The following ITPR1 variants were observed in gnomAD, a reference collection of about 807,000 sequenced individuals.
ITPR1 encodes inositol 1,4,5-trisphosphate receptor type 1.
Under a neutral mutation model 318.4 loss-of-function variants are expected in ITPR1, and 96 were observed. The observed-to-expected ratio is 0.30, with a 90% CI of 0.26 to 0.36. ITPR1 has a LOEUF of 0.36. Among genes scored for constraint, ITPR1 ranks in the 10% least tolerant of loss-of-function variants. The probability of loss-of-function intolerance (pLI) is 1.00; values close to 1 mark genes in which losing one functional copy is unlikely to be tolerated. For synonymous variants in ITPR1, 1,312 were observed against 1,289.9 expected (o/e 1.02, Z -0.37); for missense variants, 2,440 against 3,460.2 (o/e 0.71, Z 7.40).
intron 16 of ITPR1, among the ~76,000 whole-genome samples, chr3:4,664,135 G>A (rs996728587): frequency 3.9e-5 from 6 of 152,094 alleles, no homozygotes; most frequent in Admixed American, 6.6e-5. Flanking sequence ...CATACATTTG[G>A]GAGATTTGGC....
chr3:4,508,022 A>G (rs1401255895), intron 2 of ITPR1, among the ~76,000 whole-genome samples: 1 of 152,190 alleles, frequency 6.6e-6, no homozygotes, highest in Non-Finnish European at 1.5e-5. Context: ...GTGGTAAAAT[A>G]CAGAGGAGCT....
chr3:4,652,310 T>C (rs1166694504), intron 11 of ITPR1, 92 bp downstream of exon 11: 1 of 869,086 alleles, frequency 1.2e-6, no homozygotes, highest in African/African-American at 1.7e-5. Flanking sequence ...TGTAAAAGGC[T>C]TAGGGAAATA....
intron 4 of ITPR1, among the ~76,000 whole-genome samples, chr3:4,527,142 G>C (rs1334078109): frequency 6.6e-6 from 1 of 152,138 alleles, no homozygotes; most frequent in East Asian, 1.9e-4. Context: ...GTCGTAGCCA[G>C]AGCCCTCTTC....
intron 54 of ITPR1, among the ~76,000 whole-genome samples, chr3:4,803,479 A>G (rs1448834175): frequency 2.6e-5 from 4 of 152,244 alleles, no homozygotes; most frequent in African/African-American, 7.2e-5. Flanking sequence ...ATGCATTTAC[A>G]TCGTTGACCT....
At chr3:4,578,432 T>C (rs2088923129) in intron 4 of ITPR1, among the ~76,000 whole-genome samples, 1 of 152,166 alleles carries the variant, frequency 6.6e-6, no homozygotes, top group African/African-American at 2.4e-5. Context: ...GTTGTGTGTC[T>C]GACAACAAAG....
chr3:4,692,380 G>C (rs751225092), intron 32 of ITPR1, among the ~76,000 whole-genome samples: 19 of 152,322 alleles, frequency 1.2e-4, no homozygotes, highest in Non-Finnish European at 2.1e-4. Context: ...TCTAGGCACA[G>C]TCCTAAGCAG....
At chr3:4,803,602 G>C (rs2048376530) in intron 54 of ITPR1, among the ~76,000 whole-genome samples, 1 of 152,182 alleles carries the variant, frequency 6.6e-6, no homozygotes, top group African/African-American at 2.4e-5. Context: ...GGGATTGCCT[G>C]CAGTGAGAGG....
intron 4 of ITPR1, among the ~76,000 whole-genome samples, chr3:4,534,127 A>C (rs1575441485): frequency 6.6e-6 from 1 of 152,124 alleles, no homozygotes; most frequent in Non-Finnish European, 1.5e-5. Flanking sequence ...TTTCTCTTTT[A>C]ATAGATTTAG....
intron 4 of ITPR1, among the ~76,000 whole-genome samples, chr3:4,578,093 G>A (rs1276126965): frequency 6.6e-6 from 1 of 152,108 alleles, no homozygotes. Flanking sequence ...TTTATAGCAA[G>A]CAAAAAGAGA....
chr3:4,748,233 C>A (rs1213545168), intron 44 of ITPR1, among the ~76,000 whole-genome samples: 1 of 152,164 alleles, frequency 6.6e-6, no homozygotes, highest in African/African-American at 2.4e-5. Flanking sequence ...TGCTAGCCAG[C>A]CTTTAAGTTA....
At chr3:4,711,495 T>C in intron 38 of ITPR1, 1 of 372,816 alleles carries the variant, frequency 2.7e-6, no homozygotes, top group Non-Finnish European at 4.9e-6. Flanking sequence ...TCGGTTCTCC[T>C]CTCCATATAA....
chr3:4,782,696 G>T lies in ITPR1; in HGVS notation c.6465G>T (p.Ala2155=). Residue 2155 remains alanine (A), a synonymous_variant, in exon 50 of 62, where the codon GCG becomes GCT. Coordinates refer to ENST00000649015, the MANE Select transcript of ITPR1 (RefSeq NM_001378452.1). ...GAGAAAACGGTGAGGATGGGGCGGC[G>T]TCCCCCAGGAACGTGGGGCACAACA... ...EDGENGEDGA[A]SPRNVGHNIY... 3 of 1,596,776 alleles carry T rather than the reference G, an allele frequency of 1.9e-6. No homozygotes were observed. The South Asian group carries it at 3.4e-5, about 18-fold the overall frequency.
At chr3:4,819,939 G>T (rs537721187) in intron 60 of ITPR1, among the ~76,000 whole-genome samples, 1 of 152,228 alleles carries the variant, frequency 6.6e-6, no homozygotes, top group East Asian at 1.9e-4. Flanking sequence ...TTCAGAAGGA[G>T]CTGAGCCAGA....
chr3:4,784,459 G>T (rs2047034699), intron 51 of ITPR1, among the ~76,000 whole-genome samples: 1 of 152,032 alleles, frequency 6.6e-6, no homozygotes, highest in African/African-American at 2.4e-5. Context: ...ATCTCACAGG[G>T]TCCTATCAAC....
chr3:4,649,380 T>C (rs1323420289), intron 10 of ITPR1, among the ~76,000 whole-genome samples: 1 of 152,144 alleles, frequency 6.6e-6, no homozygotes, highest in Non-Finnish European at 1.5e-5. Context: ...CCCCTCAAAA[T>C]AAAAGAGGGA....
In ITPR1 at chr3:4,663,151, C is replaced by G; in HGVS notation, c.1499C>G (p.Ser500Cys). ...CAAGATGTTCTCGAAGTTGTCTTCT[C>G]CAAGCCCAACAGAGAACGGCAGAAA... Reference protein sequence around the residue: ...SGQDVLEVVFSKPNRERQKLM... With the variant: ...SGQDVLEVVFCKPNRERQKLM... The change falls in exon 16 of 62, where the codon TCC (serine) becomes TGC (cysteine). Residue 500 changes from serine (S) to cysteine (C), a missense_variant. Transcript: ENST00000649015. 1.9e-6 allele frequency: 3 copies of G among 1,613,760 alleles called. No individual in the cohort carries two copies. The highest frequency in any genetic ancestry group is 2.5e-6 in the Non-Finnish European group (3 of 1,179,792).
In ITPR1 at chr3:4,627,651, A is replaced by G. The variant is rs567321039; in HGVS notation, c.164-112A>G. On this transcript the variant is annotated intron_variant, in intron 4 of 61. Transcript: ENST00000649015. Reference sequence around the variant, plus strand: ...AGCTTTGTACTCTCATTTTATATCTATGTATGATGTAATTTTATGTAATTT... The same window carrying G: ...AGCTTTGTACTCTCATTTTATATCTGTGTATGATGTAATTTTATGTAATTT... 69 of 679,716 alleles carry G rather than the reference A, an allele frequency of 1.0e-4. No homozygotes were observed. In the South Asian group the frequency reaches 1.0e-3, roughly 10 times the overall value. The allele number at this position is 679,716 out of a possible 1,614,324, so 42.1% of individuals were successfully genotyped here.
At chr3:4,797,749 C>CT (rs1282705471) in intron 53 of ITPR1, among the ~76,000 whole-genome samples, 1 of 152,194 alleles carries the variant, frequency 6.6e-6, no homozygotes, top group Non-Finnish European at 1.5e-5. Flanking sequence ...TATCAGCCAG[C>CT]TTTAACAATT....
intron 4 of ITPR1, among the ~76,000 whole-genome samples, chr3:4,533,494 G>A (rs2083588935): frequency 6.6e-6 from 1 of 152,222 alleles, no homozygotes; most frequent in South Asian, 2.1e-4. Flanking sequence ...TGGTGCATGT[G>A]TAACACAGTA....
Sources: gnomAD v4.1 joint callset for allele counts (sites outside exome capture counted in the v4.1 genomes callset) on GRCh38, gnomAD v4.1.1 for gene constraint, MANE v1.5 for transcripts, NCBI Gene and HGNC (gene_info 2026-07-23, HGNC 2026-07-21) for gene names.